The following ZNF84 variants were observed in gnomAD, a reference collection of about 807,000 sequenced individuals.
ZNF84 encodes zinc finger protein HPF2.
Under a neutral mutation model 14.8 loss-of-function variants are expected in ZNF84, and 12 were observed. The ratio of observed to expected loss-of-function variants is 0.81; its 90% CI spans 0.52 to 1.31. The LOEUF (loss-of-function observed/expected upper bound fraction) is 1.31, where lower values mean the gene tolerates loss of function less well. Ranked by LOEUF, ZNF84 falls within the 50% of genes most tolerant of loss-of-function variation. ZNF84 has a pLI of 0.00. For synonymous variants in ZNF84, 347 were observed against 291.1 expected (o/e 1.19, Z -1.96); for missense variants, 859 against 878.6 (o/e 0.98, Z 0.28).
intron 4 of ZNF84, among the ~76,000 whole-genome samples, chr12:133,056,068 A>G (rs1954151423): frequency 6.6e-6 from 1 of 152,196 alleles, no homozygotes; most frequent in Non-Finnish European, 1.5e-5. Context: ...GTTTAAATAA[A>G]ACTTTAGAAT....
chr12:133,042,983 T>A (rs1953911853), intron 2 of ZNF84, among the ~76,000 whole-genome samples: 1 of 152,152 alleles, frequency 6.6e-6, no homozygotes, highest in Admixed American at 6.6e-5. Context: ...TGGTCTCCAT[T>A]TCCTGACTTT....
intron 2 of ZNF84, among the ~76,000 whole-genome samples, chr12:133,044,416 A>G (rs1434989576): frequency 1.3e-5 from 2 of 151,964 alleles, no homozygotes. Context: ...CACCCTATCA[A>G]ATAGTTGAAA....
intron 2 of ZNF84, among the ~76,000 whole-genome samples, chr12:133,041,972 A>G (rs1953896540): frequency 6.6e-6 from 1 of 152,172 alleles, no homozygotes; most frequent in Non-Finnish European, 1.5e-5. Flanking sequence ...AAAATATTAA[A>G]TAGAAAATTT....
intron 2 of ZNF84, 110 bp downstream of exon 2, chr12:133,041,592 C>A (rs1240626817): frequency 1.8e-6 from 2 of 1,140,666 alleles, no homozygotes; most frequent in Non-Finnish European, 2.6e-6. Context: ...GGAAAATAGC[C>A]TCAGATGATC....
Position 133,058,872 on chromosome 12 carries a change from T to C in ZNF84, c.2157T>C (p.Ala719=). The C allele has an allele frequency of 1.2e-6, 2 of 1,613,266 alleles. No homozygotes were observed. The highest frequency in any genetic ancestry group is 1.7e-6 in the Non-Finnish European group (2 of 1,179,674). The change falls in exon 5 of 5, where the codon GCT becomes GCC. Residue 719 remains alanine, a synonymous_variant. Coordinates refer to ENST00000539354, the MANE Select transcript of ZNF84 (RefSeq NM_001289971.2). ...KPYRCIECGK[A]FSQKSQLINH... ...ATCGATGCATTGAATGTGGGAAAGC[T>C]TTCTCACAGAAGTCACAGCTCATCA...
rs1375901568 is a variant in ZNF84, at chr12:133,049,635, A to C, written c.238+787A>C. Among the ~76,000 whole-genome samples, 5 of 152,090 alleles carry C rather than the reference A, an allele frequency of 3.3e-5. No homozygotes were observed. In the East Asian group the frequency reaches 9.7e-4, roughly 30 times the overall value. On this transcript the variant is annotated intron_variant, in intron 4 of 4. Coordinates refer to ENST00000539354, the MANE Select transcript of ZNF84 (RefSeq NM_001289971.2). Reference sequence around the variant, plus strand: ...GCTGGGACTACAGGCACATGCCACCATGCCCGGCTAATTTTTTTTGTATTT... The same window carrying C: ...GCTGGGACTACAGGCACATGCCACCCTGCCCGGCTAATTTTTTTTGTATTT...
At chr12:133,056,283 T>G (rs2137413049) in intron 4 of ZNF84, among the ~76,000 whole-genome samples, 1 of 152,276 alleles carries the variant, frequency 6.6e-6, no homozygotes, top group East Asian at 1.9e-4. Context: ...AGATGGAGTC[T>G]TGCTCTGTTA....
chr12:133,054,221 GAAC>G (rs1269795152), intron 4 of ZNF84, among the ~76,000 whole-genome samples: 14 of 151,992 alleles, frequency 9.2e-5, no homozygotes, highest in Non-Finnish European at 1.8e-4. Context: ...ATCTCAACAA[GAAC>G]AACAACAAAA....
Position 133,057,723 on chromosome 12 carries a change from C to G in ZNF84, c.1008C>G (p.Asn336Lys). ...TTAGTGAAAAGTCCAATCTCATTAA[C>G]CATCAGAGAATTCATACCGGTGAGA... ...RAFSEKSNLI[N>K]HQRIHTGEKP... The change falls in exon 5 of 5, where the codon AAC becomes AAG. Residue 336 changes from asparagine to lysine, a missense_variant. By Grantham distance (94) the Asn-to-Lys change is moderately conservative. Coordinates refer to ENST00000539354, the MANE Select transcript of ZNF84 (RefSeq NM_001289971.2). The G allele has an allele frequency of 6.2e-7, 1 of 1,613,488 alleles. No homozygotes were observed. Among genetic ancestry groups the G allele is most frequent in the Non-Finnish European group, 8.5e-7 (1 of 1,179,868 alleles).
At position 133,058,343 on chromosome 12, in the gene ZNF84, A is replaced by G. The variant is rs1954198552; in HGVS notation, c.1628A>G (p.Tyr543Cys). The G allele has an allele frequency of 5.0e-6, 8 of 1,614,072 alleles. No homozygotes were observed. The highest frequency in any genetic ancestry group is 1.3e-5 in the African/African-American group (1 of 75,050). Residue 543 changes from tyrosine (Y) to cysteine (C), a missense_variant, in exon 5 of 5, where the codon TAT becomes TGT. Coordinates refer to ENST00000539354, the MANE Select transcript of ZNF84 (RefSeq NM_001289971.2). ...AGGACACATACAGGGGAGAAACCCT[A>G]TGAATGCAGTGAATGTGGGAAGGCC... is the stretch of plus-strand genomic sequence containing the variant. ...HQRTHTGEKP[Y>C]ECSECGKAFG...
rs1288609980 is a variant in ZNF84 at position 133,039,776 on chromosome 12, A to AG, written c.-190-1496dup. 3.9e-5 allele frequency among the ~76,000 whole-genome samples: 6 copies of AG among 152,004 alleles called. No individual in the cohort carries two copies. The East Asian group carries it at 1.2e-3, about 29-fold the overall frequency. On this transcript the variant is annotated intron_variant, in intron 1 of 4. Transcript: ENST00000539354. The stretch of plus-strand genomic sequence containing the variant: ...ATTGAGGCTTTGAAGGCAAGAAAGG[A>AG]GGGGGGAAAAACAGTAACCACAATA...
At chr12:133,045,199 G>A (rs748191973) in intron 2 of ZNF84, among the ~76,000 whole-genome samples, 1 of 152,084 alleles carries the variant, frequency 6.6e-6, no homozygotes, top group African/African-American at 2.4e-5. Context: ...AGCTGGGCAC[G>A]GTGGCTCACA....
At chr12:133,047,062 A>G (rs1445805923) in intron 2 of ZNF84, among the ~76,000 whole-genome samples, 9 of 150,478 alleles carry the variant, frequency 6.0e-5, no homozygotes, top group African/African-American at 1.2e-4. Context: ...TTGGCCTCCA[A>G]AGTGCTGGGA....
At chr12:133,037,903 G>A (rs1385136515) in intron 1 of ZNF84, 1 of 152,298 alleles carries the variant, frequency 6.6e-6, no homozygotes, top group Non-Finnish European at 1.5e-5. Context: ...TGCCCTGCTG[G>A]ACCGCATCCA....
Position 133,062,816 on chromosome 12 carries a change from A to C in ZNF84, c.*3884A>C, listed in dbSNP as rs1954286725. ...TTCTGAAAACTTTTTCCTCCTATGC[A>C]ATATTTTCTGGCCTCTGTGAACAAC... On this transcript the variant is annotated 3_prime_UTR_variant, in exon 5 of 5. Transcript: ENST00000539354. 1 of 424,874 alleles carries C rather than the reference A, an allele frequency of 2.4e-6. No individual in the cohort carries two copies. Among genetic ancestry groups the C allele is most frequent in the Admixed American group, 3.8e-5 (1 of 26,614 alleles). 26.3% of individuals were successfully genotyped at this position (424,874 alleles called of 1,614,324 possible).
In ZNF84 at chr12:133,059,568, A is replaced by G. The variant is rs1954222541; in HGVS notation, c.*636A>G. 1.3e-5 allele frequency: 2 copies of G among 152,310 alleles called. No individual in the cohort carries two copies. 9.4% of individuals were successfully genotyped at this position (152,310 alleles called of 1,614,324 possible). ...TTCACTTTGAAGTGTGAAGTTTTAA[A>G]AATACGTGAATAAATTGGTTATTGA... On this transcript the variant is annotated 3_prime_UTR_variant, in exon 5 of 5. Coordinates refer to ENST00000539354, the MANE Select transcript of ZNF84 (RefSeq NM_001289971.2).
intron 1 of ZNF84, chr12:133,040,634 A>C (rs2137323112): frequency 6.6e-6 from 1 of 151,994 alleles, no homozygotes; most frequent in East Asian, 1.9e-4. Flanking sequence ...AATAGATTTT[A>C]AGGCAAAAAG....
rs1292458871 is a variant in ZNF84, at chr12:133,060,182, A to T, written c.*1250A>T. On this transcript the variant is annotated 3_prime_UTR_variant, in exon 5 of 5. Transcript: ENST00000539354. ...TGTCACTATTTTAATTTACTGTGAT[A>T]AAGTATCATGGATATTTTGTGCTGC... 1.3e-5 allele frequency: 2 copies of T among 152,202 alleles called. No individual in the cohort carries two copies. Among genetic ancestry groups the T allele is most frequent in the Admixed American group, 6.5e-5 (1 of 15,274 alleles). The allele number at this position is 152,202 out of a possible 1,614,324, so 9.4% of individuals were successfully genotyped here. A position where few individuals can be genotyped will look rare whatever the true frequency, so the allele number is the denominator to read the frequency against.
chr12:133,055,082 CAA>C (rs1291240532), intron 4 of ZNF84, among the ~76,000 whole-genome samples: 1 of 152,144 alleles, frequency 6.6e-6, no homozygotes, highest in Non-Finnish European at 1.5e-5. Flanking sequence ...ACAGTAAACA[CAA>C]ATATTATGTA....
Sources: gnomAD v4.1 joint callset for allele counts (sites outside exome capture counted in the v4.1 genomes callset) on GRCh38, gnomAD v4.1.1 for gene constraint, MANE v1.5 for transcripts, NCBI Gene and HGNC (gene_info 2026-07-23, HGNC 2026-07-21) for gene names.